BTD: variants seen among roughly 807,000 people sequenced by gnomAD.
The protein encoded by BTD is biotinidase, also known as biocytinase.
In BTD, 13 loss-of-function variants were observed where a neutral mutation model predicts 17.7. The ratio of observed to expected loss-of-function variants is 0.74; its 90% CI spans 0.48 to 1.17. The LOEUF is 1.17. BTD is among the 50% of genes most tolerant of loss of function. The probability of loss-of-function intolerance (pLI) is 0.00; values close to 1 mark genes in which losing one functional copy is unlikely to be tolerated. For missense variants in BTD, 674 were observed against 650.4 expected (o/e 1.04, Z -0.39); for synonymous variants, 240 against 245.2 (o/e 0.98, Z 0.20).
intron 3 of BTD, among the ~76,000 whole-genome samples, chr3:15,696,748 G>C (rs2069635614): frequency 6.6e-6 from 1 of 152,044 alleles, no homozygotes; most frequent in African/African-American, 2.4e-5. Flanking sequence ...CTAAGAAGAG[G>C]TATATAAACA....
chr3:15,602,045 T>A, intron 1 of BTD, 151 bp downstream of exon 1: 1 of 1,475,398 alleles, frequency 6.8e-7, no homozygotes, highest in Non-Finnish European at 9.0e-7. Flanking sequence ...TGGGGCTGTT[T>A]GTGCGTTGCT....
rs185178742 is a variant in BTD, at chr3:15,666,413, C to A, written c.399+24356C>A. On this transcript the variant is annotated intron_variant, in intron 3 of 3. Transcript: ENST00000672141. Reference sequence around the variant, plus strand: ...CAAACACTACTTCATCTCCCCCTTTCCTCATCTGTTAAATGGTGCTATAAA... The same window carrying A: ...CAAACACTACTTCATCTCCCCCTTTACTCATCTGTTAAATGGTGCTATAAA... Among the ~76,000 whole-genome samples, 727 of 145,616 alleles carry A rather than the reference C, an allele frequency of 5.0e-3. 5 individuals are homozygous for A. The highest frequency in any genetic ancestry group is 0.017 in the African/African-American group (651 of 39,270).
At chr3:15,662,858 T>TTG (rs1553566768) in intron 3 of BTD, among the ~76,000 whole-genome samples, 10 of 150,966 alleles carry the variant, frequency 6.6e-5, no homozygotes, top group Non-Finnish European at 1.3e-4. Flanking sequence ...TGGAGGTTTT[T>TTG]TTTTTTTTTT....
chr3:15,706,159 T>TA (rs2071354193), intron 3 of BTD, among the ~76,000 whole-genome samples: 1 of 152,150 alleles, frequency 6.6e-6, no homozygotes, highest in East Asian at 1.9e-4. Flanking sequence ...GGCACATATG[T>TA]ATACATGTGC....
chr3:15,606,408 A>G (rs2064455566), intron 1 of BTD: 1 of 152,238 alleles, frequency 6.6e-6, no homozygotes, highest in African/African-American at 2.4e-5. Context: ...GCCTGTCACC[A>G]AAGTAATACT....
chr3:15,685,096 C>T (rs968038159), intron 3 of BTD: 13 of 848,924 alleles, frequency 1.5e-5, no homozygotes, highest in Admixed American at 4.5e-5. Flanking sequence ...ATTATTAGTA[C>T]GTGAGCCTAT....
At chr3:15,663,887 AC>A (rs2065950766) in intron 3 of BTD, among the ~76,000 whole-genome samples, 1 of 152,188 alleles carries the variant, frequency 6.6e-6, no homozygotes, top group African/African-American at 2.4e-5. Flanking sequence ...TAAGGTGAAC[AC>A]ATACATGACT....
At chr3:15,634,437 G>A (rs2065291684) in intron 1 of BTD, among the ~76,000 whole-genome samples, 1 of 152,176 alleles carries the variant, frequency 6.6e-6, no homozygotes, top group Non-Finnish European at 1.5e-5. Context: ...TAGCTGGGAG[G>A]CCAGGCTGAT....
chr3:15,711,074 C>CT (rs900516624), exon 4 of BTD: 83 of 690,630 alleles, frequency 1.2e-4, no homozygotes, highest in African/African-American at 3.9e-4. Flanking sequence ...CCACCCTGGA[C>CT]TTTTTTTTCC....
Position 15,635,541 on chromosome 3 carries a change from G to A in BTD, c.102G>A (p.Glu34=). ...TGEESVADHH[E]AEYYVAAVYE... ...AGGAGAGCGTGGCTGACCATCACGA[G>A]GCTGAATATTATGTGGCTGCCGTGT... The change falls in exon 2 of 4, where the codon GAG becomes GAA. Residue 34 remains glutamate, a synonymous_variant. Transcript: ENST00000643237. The surrounding 1 kb of genome is among the most constrained non-coding windows in gnomAD (Gnocchi z 4.1). The A allele has an allele frequency of 1.2e-6, 2 of 1,614,160 alleles. No homozygotes were observed. The highest frequency in any genetic ancestry group is 2.7e-5 in the African/African-American group (2 of 75,024).
intron 3 of BTD, chr3:15,694,672 C>CAAAT (rs1369772882): frequency 1.4e-6 from 2 of 1,406,816 alleles, no homozygotes; most frequent in Non-Finnish European, 2.0e-6. Flanking sequence ...TGAGTCAACA[C>CAAAT]AAATAGGTTA....
Position 15,686,282 on chromosome 3 carries a change from C to T in BTD, c.400-23778C>T, listed in dbSNP as rs774546032. On this transcript the variant is annotated intron_variant, in intron 3 of 3. Coordinates refer to the BTD transcript ENST00000672141. ...TGGTTCTGCATTTCCTATTAATAGCCGTAAGCATTCTGAATGACCATTTGT... is the reference window on the plus strand; with the variant it reads ...TGGTTCTGCATTTCCTATTAATAGCTGTAAGCATTCTGAATGACCATTTGT... 13 of 1,587,354 alleles carry T rather than the reference C, an allele frequency of 8.2e-6. No individual in the cohort carries two copies. Among genetic ancestry groups the T allele is most frequent in the Middle Eastern group, 1.7e-4 (1 of 6,054 alleles).
In BTD at chr3:15,650,342, A is replaced by G. The variant is rs2065781070; in HGVS notation, c.*4854A>G. 6.6e-6 allele frequency among the ~76,000 whole-genome samples: 1 copy of G among 152,196 alleles called. No individual in the cohort carries two copies. The highest frequency in any genetic ancestry group is 2.1e-4 in the South Asian group (1 of 4,832). ...CCGTTAAAAATGAAATTACCAATAT[A>G]TGAACTCTAGGCATCATGCATATAT... On this transcript the variant is annotated 3_prime_UTR_variant, in exon 4 of 4. Coordinates refer to ENST00000643237, the MANE Select transcript of BTD (RefSeq NM_001370658.1).
intron 2 of BTD, among the ~76,000 whole-genome samples, chr3:15,636,781 T>TG (rs1204311452): frequency 2.4e-3 from 21 of 8,620 alleles, no homozygotes; most frequent in Admixed American, 4.5e-3. Flanking sequence ...GTGTATGGGG[T>TG]GGGGGGGTGT....
At chr3:15,601,947 C>T (rs922545244) in intron 1 of BTD, 53 bp downstream of exon 1, 1 of 1,599,556 alleles carries the variant, frequency 6.3e-7, no homozygotes, top group Non-Finnish European at 8.5e-7. Flanking sequence ...GGCGTGCGGT[C>T]CAGACCCCGC....
chr3:15,674,397 A>G (rs970262744), intron 3 of BTD, among the ~76,000 whole-genome samples: 13 of 41,972 alleles, frequency 3.1e-4, no homozygotes, highest in African/African-American at 9.6e-4. Flanking sequence ...GCCCTGAGCC[A>G]CTGTTAAGAA....
At chr3:15,679,450 A>T (rs757802481) in intron 3 of BTD, 76 of 1,613,448 alleles carry the variant, frequency 4.7e-5, no homozygotes, top group Non-Finnish European at 6.1e-5. Context: ...CTCAAACCAA[A>T]TCTGATTCAT....
chr3:15,678,865 A>G (rs1242692247), intron 3 of BTD, among the ~76,000 whole-genome samples: 1 of 152,270 alleles, frequency 6.6e-6, no homozygotes, highest in Admixed American at 6.5e-5. Flanking sequence ...TTGAGATCTT[A>G]TAACAATTTA....
chr3:15,620,333 G>A (rs2470525), intron 1 of BTD, among the ~76,000 whole-genome samples: 76,915 of 151,836 alleles, frequency 0.51, 22,674 homozygotes, highest in African/African-American at 0.81. Context: ...CCCCCCAGGA[G>A]CGCATTCCTT....
Sources: gnomAD v4.1 joint callset for allele counts (sites outside exome capture counted in the v4.1 genomes callset) on GRCh38, gnomAD v4.1.1 for gene constraint, Gnocchi (gnomAD v3.1) non-coding constraint, MANE v1.5 for transcripts, NCBI Gene and HGNC (gene_info 2026-07-23, HGNC 2026-07-21) for gene names.